Variants in SVEP1 observed in about 807,000 individuals in gnomAD.
SVEP1 encodes sushi, von Willebrand factor type A, EGF and pentraxin domain-containing protein 1.
A neutral mutation model predicts 367.3 loss-of-function variants in SVEP1; 164 were observed. The observed-to-expected ratio is 0.45, with a 90% CI of 0.39 to 0.51. The LOEUF is 0.51. Among genes scored for constraint, SVEP1 ranks in the 20% least tolerant of loss-of-function variants. The probability of loss-of-function intolerance (pLI) is 0.00; values close to 1 mark genes in which losing one functional copy is unlikely to be tolerated. For synonymous variants in SVEP1, 1,666 were observed against 1,611.6 expected (o/e 1.03, Z -0.81); for missense variants, 4,117 against 4,425.3 (o/e 0.93, Z 1.98).
chr9:110,458,036 A>T, intron 20 of SVEP1: 1 of 427,308 alleles, frequency 2.3e-6, no homozygotes, highest in East Asian at 7.0e-5. Flanking sequence ...CTTAATTTTT[A>T]AGGACTCATA....
chr9:110,392,884 T>C (rs1441705122), intron 40 of SVEP1, among the ~76,000 whole-genome samples: 2 of 152,210 alleles, frequency 1.3e-5, no homozygotes, highest in African/African-American at 4.8e-5. Context: ...ATACTTTCGA[T>C]GTGTAGTCTT....
At chr9:110,548,665 G>A (rs907185104) in intron 2 of SVEP1, among the ~76,000 whole-genome samples, 2 of 152,168 alleles carry the variant, frequency 1.3e-5, no homozygotes, top group African/African-American at 4.8e-5. Context: ...ATTTCATTAA[G>A]TTGCAGGCCT....
intron 24 of SVEP1, 149 bp downstream of exon 24, chr9:110,449,910 C>T (rs190909828): frequency 2.1e-5 from 19 of 891,168 alleles, no homozygotes; most frequent in African/African-American, 6.7e-5. Context: ...GCAGAAATGG[C>T]GGTGGGAATA....
intron 40 of SVEP1, among the ~76,000 whole-genome samples, chr9:110,392,216 C>G (rs899077679): frequency 1.3e-5 from 2 of 150,284 alleles, no homozygotes; most frequent in African/African-American, 2.5e-5. Context: ...TGCAATGTCT[C>G]TTATATCTCT....
chr9:110,391,122 A>T (rs1034730383), intron 40 of SVEP1, among the ~76,000 whole-genome samples: 1 of 152,182 alleles, frequency 6.6e-6, no homozygotes, highest in Non-Finnish European at 1.5e-5. Flanking sequence ...CAAATTTCCA[A>T]TTGTTGCATA....
At chr9:110,430,133 T>C in intron 33 of SVEP1, 129 bp from the exon 34 acceptor site, 1 of 1,121,986 alleles carries the variant, frequency 8.9e-7, no homozygotes, top group East Asian at 2.6e-5. Flanking sequence ...GGTGTGTGTG[T>C]GTGGGGTCAT....
At chr9:110,434,958 T>C (rs1246705376) in intron 29 of SVEP1, among the ~76,000 whole-genome samples, 1 of 152,106 alleles carries the variant, frequency 6.6e-6, no homozygotes, top group Non-Finnish European at 1.5e-5. Flanking sequence ...AGTATGTCGG[T>C]GGGCCTTGAA....
intron 39 of SVEP1, among the ~76,000 whole-genome samples, chr9:110,403,734 T>A (rs1259700663): frequency 6.6e-6 from 1 of 152,156 alleles, no homozygotes; most frequent in East Asian, 1.9e-4. Flanking sequence ...AAATCAGCCA[T>A]GGGTTATGCC....
rs1827963123 is a variant in SVEP1 at position 110,406,858 on chromosome 9, T to G, written c.8742A>C (p.Thr2914=). 6.2e-7 allele frequency: 1 copy of G among 1,614,006 alleles called. No individual in the cohort carries two copies. ...GLDYGFMKEV[T]FHCHEGYILH... is the part of the protein sequence containing the mutation. ...AGATGTAGCCCTCGTGACAGTGGAA[T>G]GTTACTTCCTTCATGAAGCCATAGT... is the stretch of plus-strand genomic sequence containing the variant. The change falls in exon 38 of 48, where the codon ACA becomes ACC. Residue 2914 remains threonine, a synonymous_variant. Coordinates refer to ENST00000374469, the MANE Select transcript of SVEP1 (RefSeq NM_153366.4).
In SVEP1 at chr9:110,434,336, G is replaced by T; in HGVS notation, c.5059C>A (p.Arg1687Ser). The T allele has an allele frequency of 6.3e-7, 1 of 1,592,572 alleles. No individual in the cohort carries two copies. Among genetic ancestry groups the T allele is most frequent in the African/African-American group, 1.3e-5 (1 of 74,660 alleles). ...AATGGCTTCAAGAAAGGCAGCTCAC[G>T]TTCACAGTGAGGAAGTGGTTGTGTC... The part of the protein sequence containing the change: ...QWTQPLPHCE[R>S]ISCGVPPPLE... The change falls in exon 30 of 48, where the codon CGC (arginine) becomes AGC (serine). Residue 1687 changes from arginine (R) to serine (S), a missense_variant and splice_region_variant. By Grantham distance (110) the Arg-to-Ser change is moderately radical. Around this residue, in one of 4 missense-constraint regions of SVEP1, gnomAD observed 2,174 missense variants for 2,494.3 expected, o/e 0.87. Transcript: ENST00000374469.
In SVEP1 at chr9:110,469,001, C is replaced by G; in HGVS notation, c.3099G>C (p.Lys1033Asn). 4 of 1,613,872 alleles carry G rather than the reference C, an allele frequency of 2.5e-6. No individual in the cohort carries two copies. The highest frequency in any genetic ancestry group is 1.7e-4 in the Middle Eastern group (1 of 6,060). The change falls in exon 17 of 48, where the codon AAG becomes AAC. Residue 1033 changes from lysine (K) to asparagine (N), a missense_variant. This residue lies in a region of SVEP1 where 2,174 missense variants were observed against 2,494.3 expected (regional missense o/e 0.87). Coordinates refer to ENST00000374469, the MANE Select transcript of SVEP1 (RefSeq NM_153366.4). ...CCGTGTACATCCCAGAGGGGCAAAG[C>G]TTGCACTCAAGTTGCCCTTCTTCAT... is the stretch of plus-strand genomic sequence containing the variant. Reference protein sequence around the residue: ...YQDEEGQLECKLCPSGMYTEY... With the variant: ...YQDEEGQLECNLCPSGMYTEY...
chr9:110,405,711 T>C (rs1017565060), intron 38 of SVEP1, among the ~76,000 whole-genome samples: 32 of 152,228 alleles, frequency 2.1e-4, no homozygotes, highest in Middle Eastern at 3.2e-3. Context: ...CATAAGATAT[T>C]TCTTTTAATC....
chr9:110,387,828 T>C (rs1224847592), intron 41 of SVEP1, among the ~76,000 whole-genome samples: 3 of 152,236 alleles, frequency 2.0e-5, no homozygotes, highest in Non-Finnish European at 4.4e-5. Context: ...ACTTAAGTTG[T>C]AAGCCCAAAT....
At chr9:110,428,378 C>G (rs1828285743) in intron 35 of SVEP1, among the ~76,000 whole-genome samples, 1 of 143,444 alleles carries the variant, frequency 7.0e-6, no homozygotes, top group Non-Finnish European at 1.6e-5. Flanking sequence ...GTCTGACTTT[C>G]TCCACTGTCC....
At chr9:110,392,916 G>GTCCC (rs1827686467) in intron 40 of SVEP1, among the ~76,000 whole-genome samples, 1 of 152,098 alleles carries the variant, frequency 6.6e-6, no homozygotes, top group Non-Finnish European at 1.5e-5. Flanking sequence ...CTGCTATTTT[G>GTCCC]TGTGACAAGT....
At chr9:110,464,821 G>A (rs1828910138) in intron 18 of SVEP1, among the ~76,000 whole-genome samples, 1 of 152,146 alleles carries the variant, frequency 6.6e-6, no homozygotes, top group South Asian at 2.1e-4. Flanking sequence ...GCAGAGGTAG[G>A]CCAACAACAA....
At position 110,379,421 on chromosome 9, in the gene SVEP1, C is replaced by T; in HGVS notation, c.10334G>A (p.Gly3445Glu). 3 of 1,613,802 alleles carry T rather than the reference C, an allele frequency of 1.9e-6. No individual in the cohort carries two copies. The highest frequency in any genetic ancestry group is 2.5e-6 in the Non-Finnish European group (3 of 1,179,794). The change falls in exon 44 of 48, where the codon GGA (glycine) becomes GAA (glutamate). Residue 3445 changes from glycine to glutamate, a missense_variant. Gly to Glu is a moderately conservative substitution (Grantham distance 98). Around this residue, in one of 4 missense-constraint regions of SVEP1, gnomAD observed 1,765 missense variants for 1,781.1 expected, o/e 0.99. Transcript: ENST00000374469. ...CCTCAGGAAACCCTCCAACATGTAT[C>T]CACTGTAACATGAGTAGGTGATCAT... Reference protein sequence around the residue: ...GDMITYSCYSGYMLEGFLRSV... With the variant: ...GDMITYSCYSEYMLEGFLRSV...
rs900763357 is a variant in SVEP1 at position 110,411,229 on chromosome 9, T to C, written c.6482A>G (p.Asn2161Ser). 3 of 1,613,888 alleles carry C rather than the reference T, an allele frequency of 1.9e-6. No homozygotes were observed. The African/African-American group carries it at 4.0e-5, about 22-fold the overall frequency. Residue 2161 changes from asparagine to serine, a missense_variant, in exon 37 of 48, where the codon AAC (asparagine) becomes AGC (serine). By Grantham distance (46) the Asn-to-Ser change is conservative (BLOSUM62 1). Transcript: ENST00000374469. ...AGCCACCATGGCTCCAAAACTGTAG[T>C]TTGATCCACTTGCATAGCCATTCAT... ...SIMNGYASGS[N>S]YSFGAMVAYS...
Position 110,406,904 on chromosome 9 carries a change from T to C in SVEP1, c.8696A>G (p.Asn2899Ser), listed in dbSNP as rs758361004. 8 of 1,613,992 alleles carry C rather than the reference T, an allele frequency of 5.0e-6. No homozygotes were observed. Among genetic ancestry groups the C allele is most frequent in the South Asian group, 3.3e-5 (3 of 91,080 alleles). The change falls in exon 38 of 48, where the codon AAT becomes AGT. Residue 2899 changes from asparagine (N) to serine (S), a missense_variant. Around this residue, in one of 4 missense-constraint regions of SVEP1, gnomAD observed 1,765 missense variants for 1,781.1 expected, o/e 0.99. Coordinates refer to ENST00000374469, the MANE Select transcript of SVEP1 (RefSeq NM_153366.4). The part of the protein sequence containing the change: ...VRCATPPQLA[N>S]GVTEGLDYGF... The stretch of plus-strand genomic sequence containing the variant: ...ATAGTCCAGGCCTTCCGTCACCCCA[T>C]TGGCCAGTTGTGGCGGGGTGGCACA...
Sources: gnomAD v4.1 joint callset for allele counts (sites outside exome capture counted in the v4.1 genomes callset) on GRCh38, gnomAD v4.1.1 for gene constraint, gnomAD v4.1.1 regional missense constraint, MANE v1.5 for transcripts, NCBI Gene and HGNC (gene_info 2026-07-23, HGNC 2026-07-21) for gene names.